Variants in SDCCAG8 observed in about 807,000 individuals in gnomAD.
SDCCAG8 encodes serologically defined colon cancer antigen 8.
SDCCAG8 carries 74 observed loss-of-function variants against 101.8 expected under a neutral mutation model. The ratio of observed to expected loss-of-function variants is 0.73; its 90% confidence interval spans 0.60 to 0.88. The LOEUF (loss-of-function observed/expected upper bound fraction) is 0.88, where lower values mean the gene tolerates loss of function less well. SDCCAG8 is among the 40% of genes least tolerant of loss of function. SDCCAG8 has a pLI of 0.00. For synonymous variants in SDCCAG8, 281 were observed against 292.9 expected (o/e 0.96, Z 0.41); for missense variants, 787 against 822.6 (o/e 0.96, Z 0.53).
At chr1:243,321,824 T>G (rs68192516) in intron 9 of SDCCAG8, among the ~76,000 whole-genome samples, 41,268 of 152,160 alleles carry the variant, frequency 0.27, 5,749 homozygotes, top group South Asian at 0.46. Flanking sequence ...AATTTTTGTG[T>G]TTTTAGTAAA....
intron 12 of SDCCAG8, among the ~76,000 whole-genome samples, chr1:243,374,573 A>C (rs2077482988): frequency 1.3e-5 from 2 of 152,148 alleles, no homozygotes; most frequent in African/African-American, 4.8e-5. Flanking sequence ...AACTAATTTC[A>C]AAATAGAGTT....
intron 4 of SDCCAG8, among the ~76,000 whole-genome samples, chr1:243,283,217 T>C (rs1283085787): frequency 1.3e-5 from 2 of 152,052 alleles, no homozygotes; most frequent in Non-Finnish European, 2.9e-5. Context: ...TTGTCTTTGA[T>C]TTTCTGCAGT....
rs746913416 is a variant in SDCCAG8 at position 243,330,726 on chromosome 1, G to A, written c.1221+34G>A. The stretch of plus-strand genomic sequence containing the variant: ...GGACTCTGCTGTTATCCACATTGCA[G>A]AAGAAAGGTTTTTTATGATGCCATT... On this transcript the variant is annotated intron_variant, in intron 10 of 17. Transcript: ENST00000366541. 5 of 1,612,200 alleles carry A rather than the reference G, an allele frequency of 3.1e-6. No homozygotes were observed. The East Asian group carries it at 1.1e-4, about 36-fold the overall frequency.
chr1:243,256,087 T>C lies in SDCCAG8; in HGVS notation c.-87T>C. 1.5e-6 allele frequency: 2 copies of C among 1,308,282 alleles called. No homozygotes were observed. Among genetic ancestry groups the C allele is most frequent in the Non-Finnish European group, 2.2e-6 (2 of 901,790 alleles). The allele number at this position is 1,308,282 out of a possible 1,614,324, so 81.0% of individuals were successfully genotyped here. Reference sequence around the variant, plus strand: ...GCCGCGGCAGGAAGCAGGCGGGCGCTCCCCGGCCACAGGCCTGTTGTTCTC... The same window carrying C: ...GCCGCGGCAGGAAGCAGGCGGGCGCCCCCCGGCCACAGGCCTGTTGTTCTC... On this transcript the variant is annotated 5_prime_UTR_variant, in exon 1 of 18. Coordinates refer to ENST00000366541, the MANE Select transcript of SDCCAG8 (RefSeq NM_006642.5).
intron 8 of SDCCAG8, among the ~76,000 whole-genome samples, chr1:243,309,855 ATGTT>A (rs2072539968): frequency 6.9e-6 from 1 of 144,354 alleles, no homozygotes; most frequent in African/African-American, 2.5e-5. Flanking sequence ...GTAGTTTTTT[ATGTT>A]TGTTTGTTTT....
intron 7 of SDCCAG8, chr1:243,307,579 C>T (rs1402864662): frequency 1.0e-6 from 1 of 984,258 alleles, no homozygotes; most frequent in Non-Finnish European, 1.2e-6. Context: ...AGGGTATTTT[C>T]CTCACCTCAA....
chr1:243,372,956 A>ATCTATC (rs546306555), intron 12 of SDCCAG8, among the ~76,000 whole-genome samples: 174 of 141,286 alleles, frequency 1.2e-3, no homozygotes, highest in African/African-American at 4.2e-3. Flanking sequence ...ATATCTATCT[A>ATCTATC]TATATATATC....
intron 13 of SDCCAG8, among the ~76,000 whole-genome samples, chr1:243,410,949 G>A (rs1184369708): frequency 6.6e-6 from 1 of 152,082 alleles, no homozygotes; most frequent in Non-Finnish European, 1.5e-5. Context: ...CTGTGTTTGA[G>A]GCCTAGCCAG....
intron 16 of SDCCAG8, among the ~76,000 whole-genome samples, chr1:243,475,280 A>G (rs1027774298): frequency 2.0e-5 from 3 of 152,166 alleles, no homozygotes; most frequent in Non-Finnish European, 4.4e-5. Flanking sequence ...ATGGTTTAGC[A>G]TGTCTGGGGC....
chr1:243,317,037 C>T (rs1312148288), intron 9 of SDCCAG8, 144 bp downstream of exon 9: 3 of 862,568 alleles, frequency 3.5e-6, no homozygotes, highest in Non-Finnish European at 3.6e-6. Context: ...GTTGACTTTT[C>T]TGAATTAAAC....
At chr1:243,339,150 A>G (rs1346108833) in intron 10 of SDCCAG8, among the ~76,000 whole-genome samples, 1 of 143,390 alleles carries the variant, frequency 7.0e-6, no homozygotes, top group Admixed American at 7.0e-5. Flanking sequence ...GAGGAAGGGA[A>G]TGATGGGTGG....
intron 6 of SDCCAG8, among the ~76,000 whole-genome samples, chr1:243,300,080 G>A (rs1251939441): frequency 6.6e-6 from 1 of 151,420 alleles, no homozygotes; most frequent in Non-Finnish European, 1.5e-5. Context: ...TGCCAGGCTG[G>A]TCTTGAACTC....
chr1:243,468,020 CTTG>C (rs1157945504), intron 16 of SDCCAG8, among the ~76,000 whole-genome samples: 1 of 152,128 alleles, frequency 6.6e-6, no homozygotes, highest in East Asian at 1.9e-4. Flanking sequence ...ACCCAAGGAC[CTTG>C]TTGTATGGAC....
chr1:243,459,033 A>G (rs1312545613), intron 16 of SDCCAG8, among the ~76,000 whole-genome samples: 6 of 152,260 alleles, frequency 3.9e-5, no homozygotes, highest in Non-Finnish European at 7.3e-5. Context: ...GAGGCAGACT[A>G]TGGAGAGTGA....
chr1:243,317,923 A>G (rs1260345879), intron 9 of SDCCAG8: 1 of 398,688 alleles, frequency 2.5e-6, no homozygotes, highest in Non-Finnish European at 5.0e-6. Context: ...GGTCTAAACC[A>G]TATATGAATC....
At chr1:243,399,772 A>C (rs1298671267) in intron 13 of SDCCAG8, among the ~76,000 whole-genome samples, 1 of 152,154 alleles carries the variant, frequency 6.6e-6, no homozygotes, top group Admixed American at 6.5e-5. Context: ...GGCCTCCCAA[A>C]GTGCTGGGAT....
At chr1:243,403,660 C>T (rs555809558) in intron 13 of SDCCAG8, among the ~76,000 whole-genome samples, 18 of 152,078 alleles carry the variant, frequency 1.2e-4, no homozygotes, top group South Asian at 8.3e-4. Flanking sequence ...TCCCATGGGG[C>T]GCTAACCGTA....
chr1:243,305,843 C>T (rs1454794214), intron 7 of SDCCAG8: 3 of 152,210 alleles, frequency 2.0e-5, no homozygotes, highest in Non-Finnish European at 2.9e-5. Flanking sequence ...AATCCCAACA[C>T]TTTGGGAAGC....
intron 15 of SDCCAG8, among the ~76,000 whole-genome samples, chr1:243,421,241 C>CA (rs2080976988): frequency 6.6e-6 from 1 of 152,128 alleles, no homozygotes; most frequent in African/African-American, 2.4e-5. Context: ...TCTTGTTTTT[C>CA]AAAATACCAA....
Sources: gnomAD v4.1 joint callset for allele counts (sites outside exome capture counted in the v4.1 genomes callset) on GRCh38, gnomAD v4.1.1 for gene constraint, MANE v1.5 for transcripts, NCBI Gene and HGNC (gene_info 2026-07-23, HGNC 2026-07-21) for gene names.